Variants in FSTL5 observed in about 807,000 individuals in gnomAD.
FSTL5 encodes the protein follistatin like 5.
Under a neutral mutation model 89.1 loss-of-function variants are expected in FSTL5, and 62 were observed. The observed-to-expected ratio is 0.70, with a 90% CI of 0.57 to 0.86. The LOEUF (loss-of-function observed/expected upper bound fraction) is 0.86, where lower values mean the gene tolerates loss of function less well. Among genes scored for constraint, FSTL5 ranks in the 40% least tolerant of loss-of-function variants. The pLI is 0.00. For missense variants in FSTL5, 1,057 were observed against 1,001.6 expected (o/e 1.06, Z -0.75); for synonymous variants, 383 against 346.2 (o/e 1.11, Z -1.18).
At chr4:161,770,511 TA>T (rs1460218018) in intron 5 of FSTL5, among the ~76,000 whole-genome samples, 7 of 151,664 alleles carry the variant, frequency 4.6e-5, no homozygotes, top group Non-Finnish European at 1.0e-4. Context: ...AATTAATAAA[TA>T]AAAAGCGACA....
intron 4 of FSTL5, among the ~76,000 whole-genome samples, chr4:161,908,563 GA>G (rs890261842): frequency 6.6e-6 from 1 of 151,658 alleles, no homozygotes; most frequent in Non-Finnish European, 1.5e-5. Flanking sequence ...TTATTTTCAG[GA>G]AAAAATTCAT....
chr4:161,679,333 C>T (rs554367048), intron 6 of FSTL5, among the ~76,000 whole-genome samples: 5 of 151,386 alleles, frequency 3.3e-5, no homozygotes, highest in African/African-American at 7.3e-5. Flanking sequence ...TTTTTTCATG[C>T]GTTGCAGGTT....
chr4:161,568,765 T>G (rs997008040), intron 8 of FSTL5, among the ~76,000 whole-genome samples: 3 of 152,166 alleles, frequency 2.0e-5, no homozygotes, highest in African/African-American at 7.2e-5. Flanking sequence ...CTGTAAGCAG[T>G]TTTTTTGTTG....
chr4:161,593,987 T>C (rs931537327), intron 7 of FSTL5, among the ~76,000 whole-genome samples: 1 of 152,098 alleles, frequency 6.6e-6, no homozygotes, highest in Admixed American at 6.6e-5. Flanking sequence ...TAAGCAGATA[T>C]TTGACATGTT....
At chr4:161,935,557 C>T (rs984526117) in intron 3 of FSTL5, among the ~76,000 whole-genome samples, 2 of 151,916 alleles carry the variant, frequency 1.3e-5, no homozygotes, top group African/African-American at 2.4e-5. Flanking sequence ...CTTTAAATAC[C>T]ACAGAGAGGT....
At chr4:161,592,187 A>G (rs1282297219) in intron 7 of FSTL5, among the ~76,000 whole-genome samples, 2 of 152,208 alleles carry the variant, frequency 1.3e-5, no homozygotes, top group Non-Finnish European at 2.9e-5. Flanking sequence ...ATTGTGAAAC[A>G]TGTCAACCCC....
intron 7 of FSTL5, among the ~76,000 whole-genome samples, chr4:161,597,391 A>T (rs1298008009): frequency 1.3e-5 from 2 of 149,566 alleles, no homozygotes; most frequent in East Asian, 4.1e-4. Flanking sequence ...AAAAAACCAA[A>T]CACCGCATGT....
At chr4:162,051,314 A>G (rs1296664098) in intron 2 of FSTL5, among the ~76,000 whole-genome samples, 2 of 151,600 alleles carry the variant, frequency 1.3e-5, no homozygotes, top group Non-Finnish European at 3.0e-5. Flanking sequence ...TTAATTATAT[A>G]AATTAAATTG....
chr4:162,087,835 C>T (rs1186776468), intron 2 of FSTL5, among the ~76,000 whole-genome samples: 3 of 152,074 alleles, frequency 2.0e-5, no homozygotes, highest in Admixed American at 6.6e-5. Flanking sequence ...GACAGAATCA[C>T]TATTTAAGTG....
intron 2 of FSTL5, among the ~76,000 whole-genome samples, chr4:162,100,917 A>G (rs1730972634): frequency 6.6e-6 from 1 of 152,238 alleles, no homozygotes; most frequent in African/African-American, 2.4e-5. Flanking sequence ...CATTTCTGAT[A>G]ACATACGAGA....
chr4:161,553,786 T>G (rs949175580), intron 8 of FSTL5, among the ~76,000 whole-genome samples: 1 of 151,516 alleles, frequency 6.6e-6, no homozygotes, highest in Non-Finnish European at 1.5e-5. Flanking sequence ...ATTTTAAAAG[T>G]AAAGGTCAAA....
At chr4:162,142,451 A>G (rs1420904327) in intron 1 of FSTL5, among the ~76,000 whole-genome samples, 6 of 152,180 alleles carry the variant, frequency 3.9e-5, no homozygotes, top group Non-Finnish European at 5.9e-5. Flanking sequence ...GAGAAATTTG[A>G]GACAGTGGAT....
At chr4:161,666,145 C>A (rs1210998790) in intron 6 of FSTL5, among the ~76,000 whole-genome samples, 7 of 151,726 alleles carry the variant, frequency 4.6e-5, no homozygotes, top group Non-Finnish European at 2.9e-5. Context: ...TAATTGCCAC[C>A]CACAAAACTG....
At chr4:161,872,128 G>GTTTTTTTGT (rs1732282226) in intron 4 of FSTL5, among the ~76,000 whole-genome samples, 1 of 64,146 alleles carries the variant, frequency 1.6e-5, no homozygotes, top group African/African-American at 4.2e-5. Context: ...TTTGTAGTTT[G>GTTTTTTTGT]TTTTTTTTTT....
intron 8 of FSTL5, among the ~76,000 whole-genome samples, chr4:161,554,651 A>G (rs1004336592): frequency 6.6e-6 from 1 of 151,748 alleles, no homozygotes; most frequent in Middle Eastern, 3.4e-3. Context: ...AGCACTGACT[A>G]TTTTTTCCTT....
In FSTL5 at chr4:161,542,551, G is replaced by T; in HGVS notation, c.1158C>A (p.Ser386=). ...KNGIDITPKL[S]KQLTLQANGS... ...AAGCACCTTGAAGCGTGAGTTGTTT[G>T]GAAAGCTTTGGTGTAATATCAATTC... is the stretch of plus-strand genomic sequence containing the variant. Residue 386 remains serine (S), a synonymous_variant, in exon 9 of 16, where the codon TCC becomes TCA. Transcript: ENST00000306100. The T allele has an allele frequency of 6.6e-7, 1 of 1,510,900 alleles. No homozygotes were observed. Among genetic ancestry groups the T allele is most frequent in the South Asian group, 1.4e-5 (1 of 73,336 alleles). The allele number at this position is 1,510,900 out of a possible 1,614,324, so 93.6% of individuals were successfully genotyped here.
chr4:162,043,734 C>T (rs1738063430), intron 2 of FSTL5, among the ~76,000 whole-genome samples: 1 of 152,156 alleles, frequency 6.6e-6, no homozygotes, highest in Non-Finnish European at 1.5e-5. Flanking sequence ...TTATCAACTA[C>T]GTTTATGTAA....
chr4:161,448,868 A>G (rs1345063773), intron 15 of FSTL5, among the ~76,000 whole-genome samples: 1 of 152,148 alleles, frequency 6.6e-6, no homozygotes, highest in Admixed American at 6.5e-5. Flanking sequence ...ATTCAAATTG[A>G]AGAGTAACAC....
At chr4:161,822,018 T>A (rs1325340554) in intron 4 of FSTL5, among the ~76,000 whole-genome samples, 1 of 152,190 alleles carries the variant, frequency 6.6e-6, no homozygotes, top group Non-Finnish European at 1.5e-5. Context: ...ACACTGTTTT[T>A]CATAGTGGTT....
Sources: gnomAD v4.1 joint callset for allele counts (sites outside exome capture counted in the v4.1 genomes callset) on GRCh38, gnomAD v4.1.1 for gene constraint, MANE v1.5 for transcripts, NCBI Gene and HGNC (gene_info 2026-07-23, HGNC 2026-07-21) for gene names.